Variants in BTBD8 observed in about 807,000 individuals in gnomAD.
BTBD8 encodes the protein BTB domain containing 8, also known as BTB/POZ domain-containing protein 8.
In BTBD8, 110 loss-of-function variants were observed where a neutral mutation model predicts 162.9. That is an observed-to-expected ratio of 0.68 (90% CI 0.58 to 0.79). The LOEUF (loss-of-function observed/expected upper bound fraction) is 0.79. Among genes scored for constraint, BTBD8 ranks in the 30% least tolerant of loss-of-function variants. BTBD8 has a pLI of 0.00. For synonymous variants in BTBD8, 667 were observed against 716.1 expected, an observed-to-expected ratio of 0.93 and a Z score of 1.10; for missense variants, 1,905 against 2,085.4, an observed-to-expected ratio of 0.91 and a Z score of 1.68.
At chr1:92,128,586 G>A (rs1219674602) in intron 4 of BTBD8, among the ~76,000 whole-genome samples, 2 of 149,834 alleles carry the variant, frequency 1.3e-5, no homozygotes, top group Admixed American at 6.6e-5. Context: ...CCATTTTTTT[G>A]TATTTTTTTT....
At chr1:92,164,389 G>A (rs769763202) in intron 9 of BTBD8, among the ~76,000 whole-genome samples, 14 of 152,056 alleles carry the variant, frequency 9.2e-5, no homozygotes, top group Non-Finnish European at 1.8e-4. Flanking sequence ...AGGCCAAGGC[G>A]GGTGGATCAC....
At chr1:92,090,131 G>A (rs934411251) in intron 2 of BTBD8, among the ~76,000 whole-genome samples, 2 of 152,022 alleles carry the variant, frequency 1.3e-5, no homozygotes, top group African/African-American at 4.8e-5. Flanking sequence ...GTGAACCTGT[G>A]TTATTTTTCT....
chr1:92,174,677 G>GCCTAT (rs2100681988), intron 13 of BTBD8, among the ~76,000 whole-genome samples: 1 of 152,034 alleles, frequency 6.6e-6, no homozygotes, highest in Non-Finnish European at 1.5e-5. Flanking sequence ...TGAGGACCAA[G>GCCTAT]CCTATCTGAA....
chr1:92,127,379 T>G (rs1002679394), intron 4 of BTBD8, among the ~76,000 whole-genome samples: 2 of 152,226 alleles, frequency 1.3e-5, no homozygotes, highest in East Asian at 3.8e-4. Context: ...TGATCTCCTA[T>G]GCTTATCAAG....
At chr1:92,107,847 T>A (rs114520917) in intron 3 of BTBD8, 37 bp from the exon 4 acceptor site, 18,820 of 1,532,618 alleles carry the variant, frequency 0.012, 247 homozygotes, top group Admixed American at 0.061. Flanking sequence ...GTTTGTAATA[T>A]TAAACTATTT....
intron 9 of BTBD8, among the ~76,000 whole-genome samples, chr1:92,152,698 A>G (rs1403374839): frequency 6.6e-6 from 1 of 152,050 alleles, no homozygotes; most frequent in Non-Finnish European, 1.5e-5. Context: ...TGTGATTTTA[A>G]TTGAAGAATA....
chr1:92,144,769 C>G (rs1480013175), intron 7 of BTBD8, among the ~76,000 whole-genome samples: 2 of 150,710 alleles, frequency 1.3e-5, no homozygotes, highest in African/African-American at 2.4e-5. Context: ...CATGGTCACA[C>G]CACTGCATTC....
chr1:92,148,031 G>A lies in BTBD8; in HGVS notation c.1122+245G>A, dbSNP rs1036660196. Among the ~76,000 whole-genome samples, 37 of 152,118 alleles carry A rather than the reference G, an allele frequency of 2.4e-4. 1 individual carries two copies. Among genetic ancestry groups the A allele is most frequent in the Admixed American group, 2.4e-3 (37 of 15,270 alleles). On this transcript the variant is annotated intron_variant, in intron 9 of 17. Coordinates refer to ENST00000636805, the MANE Select transcript of BTBD8 (RefSeq NM_001376131.1). ...ATGTGTATATTGATTCATGAACAAA[G>A]CAGACATGGTGCCACAGAGAAAGGC...
In BTBD8 at chr1:92,181,255, C is replaced by T. The variant is rs769160361; in HGVS notation, c.3572C>T (p.Ala1191Val). The T allele has an allele frequency of 2.6e-5, 40 of 1,551,586 alleles. No individual in the cohort carries two copies. Among genetic ancestry groups the T allele is most frequent in the Non-Finnish European group, 4.4e-6 (5 of 1,146,998 alleles). The change falls in exon 17 of 18, where the codon GCT becomes GTT. Residue 1191 changes from alanine (A) to valine (V), a missense_variant. Transcript: ENST00000636805. ...DESAMDEDKHATADSDVSSKC... is the reference protein window; with the variant it reads ...DESAMDEDKHVTADSDVSSKC... ...TCTGCTATGGATGAAGACAAACATG[C>T]TACAGCAGACTCAGATGTATCTTCC...
At chr1:92,087,408 A>G (rs1648189902) in intron 1 of BTBD8, among the ~76,000 whole-genome samples, 1 of 152,352 alleles carries the variant, frequency 6.6e-6, no homozygotes, top group South Asian at 2.1e-4. Context: ...GTAACTTTAA[A>G]AATTACTTAT....
intron 1 of BTBD8, among the ~76,000 whole-genome samples, chr1:92,086,397 A>G (rs1256394476): frequency 2.0e-5 from 3 of 152,062 alleles, no homozygotes; most frequent in African/African-American, 7.2e-5. Context: ...GTTTTTCCCA[A>G]CACTCAGCTT....
chr1:92,177,899 G>T lies in BTBD8; in HGVS notation c.2441+1G>T. 1 of 1,458,640 alleles carries T rather than the reference G, an allele frequency of 6.9e-7. No homozygotes were observed. Among genetic ancestry groups the T allele is most frequent in the Non-Finnish European group, 9.4e-7 (1 of 1,063,624 alleles). 90.4% of individuals were successfully genotyped at this position (1,458,640 alleles called of 1,614,324 possible). A position where few individuals can be genotyped will look rare whatever the true frequency, so the allele number is the denominator to read the frequency against. On this transcript the variant is annotated splice_donor_variant, in intron 15 of 17. Transcript: ENST00000636805. LOFTEE classifies it high-confidence loss of function. ...AACAAGACACTAATGTAAATAACAG[G>T]TAGGTCTTCATTCAGTGTTTTAACC... is the stretch of plus-strand genomic sequence containing the variant.
intron 15 of BTBD8, 102 bp downstream of exon 15, chr1:92,178,000 T>C (rs1650771304): frequency 1.6e-6 from 1 of 620,010 alleles, no homozygotes; most frequent in Non-Finnish European, 2.7e-6. Flanking sequence ...TTTTATTTTT[T>C]GTTAATGTAT....
At chr1:92,086,332 C>T (rs943455686) in intron 1 of BTBD8, among the ~76,000 whole-genome samples, 4 of 152,176 alleles carry the variant, frequency 2.6e-5, no homozygotes, top group Non-Finnish European at 5.9e-5. Context: ...CCCTGGACCG[C>T]AGACATGTTC....
Position 92,182,527 on chromosome 1 carries a change from C to A in BTBD8, c.4844C>A (p.Pro1615His). ...GACTCCTTTCGGAGTCAAGTTCTGC[C>A]TCAGGAAGGTCCAGTGAAAGAGAGC... ...SLDSFRSQVL[P>H]QEGPVKESHS... The change falls in exon 17 of 18, where the codon CCT becomes CAT. Residue 1615 changes from proline to histidine, a missense_variant. Transcript: ENST00000636805. The A allele has an allele frequency of 6.5e-7, 1 of 1,543,932 alleles. No homozygotes were observed. Among genetic ancestry groups the A allele is most frequent in the South Asian group, 1.2e-5 (1 of 81,768 alleles).
chr1:92,126,727 T>C (rs897051475), intron 4 of BTBD8, among the ~76,000 whole-genome samples: 2 of 152,194 alleles, frequency 1.3e-5, no homozygotes, highest in African/African-American at 4.8e-5. Flanking sequence ...CTCTGAGCAG[T>C]GAGTGCCATG....
At chr1:92,115,006 C>T in intron 4 of BTBD8, 1 of 290,492 alleles carries the variant, frequency 3.4e-6, no homozygotes, top group Non-Finnish European at 6.7e-6. Context: ...CTTGAGGGCC[C>T]CCTCTGATGC....
chr1:92,091,628 G>A (rs530189073), intron 2 of BTBD8, among the ~76,000 whole-genome samples: 2 of 151,788 alleles, frequency 1.3e-5, no homozygotes, highest in Non-Finnish European at 1.5e-5. Context: ...TCCGCCTCCC[G>A]GTCGCCATTC....
intron 9 of BTBD8, among the ~76,000 whole-genome samples, chr1:92,155,051 A>G (rs1052129369): frequency 6.6e-6 from 1 of 152,094 alleles, no homozygotes; most frequent in Non-Finnish European, 1.5e-5. Context: ...TGGCACCTTT[A>G]CTAAAGAGCA....
Sources: gnomAD v4.1 joint callset for allele counts (sites outside exome capture counted in the v4.1 genomes callset) on GRCh38, gnomAD v4.1.1 for gene constraint, MANE v1.5 for transcripts, NCBI Gene and HGNC (gene_info 2026-07-23, HGNC 2026-07-21) for gene names.